GPHN: variants seen among roughly 807,000 people sequenced by gnomAD.
GPHN encodes gephyrin.
A neutral mutation model predicts 95.5 loss-of-function variants in GPHN; 17 were observed. The observed-to-expected ratio is 0.18, with a 90% CI of 0.12 to 0.27. The LOEUF (loss-of-function observed/expected upper bound fraction) is 0.27, where lower values mean the gene tolerates loss of function less well. Ranked by LOEUF, GPHN falls within the 10% of genes least tolerant of loss-of-function variation. The probability of loss-of-function intolerance (pLI) is 1.00; values close to 1 mark genes in which losing one functional copy is unlikely to be tolerated. For synonymous variants in GPHN, 320 were observed against 322.5 expected (o/e 0.99, Z 0.08); for missense variants, 660 against 978.1 (o/e 0.67, Z 4.34).
chr14:67,701,673 C>T, the GPHN span, among the ~76,000 whole-genome samples: 1 of 152,128 alleles, frequency 6.6e-6, no homozygotes, highest in Non-Finnish European at 1.5e-5. Context: ...CCGCCCACTT[C>T]AGCCTCCCAA....
the GPHN span, among the ~76,000 whole-genome samples, chr14:67,464,216 A>G: frequency 1.4e-3 from 211 of 152,272 alleles, 1 homozygote; most frequent in Non-Finnish European, 1.0e-3. Flanking sequence ...AAACAGATCC[A>G]TATTTCCAGT....
chr14:67,119,203 A>G (rs1445314531), intron 16 of GPHN, among the ~76,000 whole-genome samples: 1 of 152,182 alleles, frequency 6.6e-6, no homozygotes, highest in Non-Finnish European at 1.5e-5. Flanking sequence ...GTTAAAAACA[A>G]TTTATTTCAA....
chr14:67,578,095 G>T, the GPHN span: 90 of 1,613,088 alleles, frequency 5.6e-5, no homozygotes, highest in Non-Finnish European at 6.9e-5. This position sits in a 1 kb window ranked among gnomAD's most constrained non-coding sequence, Gnocchi z 5.0. Flanking sequence ...GGCCCAGACC[G>T]CACTGCAGGT....
chr14:67,000,100 A>G (rs1352351032), intron 9 of GPHN, among the ~76,000 whole-genome samples: 1 of 151,822 alleles, frequency 6.6e-6, no homozygotes, highest in Non-Finnish European at 1.5e-5. Flanking sequence ...ACTTCTAGCT[A>G]CCTAAAGGAA....
At chr14:67,121,899 A>G (rs1254430526) in intron 16 of GPHN, among the ~76,000 whole-genome samples, 1 of 152,188 alleles carries the variant, frequency 6.6e-6, no homozygotes, top group African/African-American at 2.4e-5. Flanking sequence ...AAATATTCCC[A>G]ATGGAAGACA....
chr14:66,870,020 C>T (rs973561990), intron 4 of GPHN, among the ~76,000 whole-genome samples: 4 of 152,108 alleles, frequency 2.6e-5, no homozygotes, highest in African/African-American at 9.7e-5. Context: ...AGATCCAGCT[C>T]CTATTGTTAT....
At chr14:67,030,553 A>C (rs1432714087) in intron 10 of GPHN, among the ~76,000 whole-genome samples, 1 of 152,178 alleles carries the variant, frequency 6.6e-6, no homozygotes, top group Admixed American at 6.5e-5. Context: ...CTTTCCCAAA[A>C]TGCTGATTTC....
At chr14:67,645,029 TAATA>T in the GPHN span, among the ~76,000 whole-genome samples, 3 of 151,762 alleles carry the variant, frequency 2.0e-5, no homozygotes, top group East Asian at 1.9e-4. Flanking sequence ...AATGCCATGC[TAATA>T]TATATAAGGT....
intron 1 of GPHN, among the ~76,000 whole-genome samples, chr14:66,646,601 G>T (rs943671626): frequency 1.3e-5 from 2 of 152,118 alleles, no homozygotes; most frequent in Non-Finnish European, 2.9e-5. Flanking sequence ...TCTTGAGGGC[G>T]TTATTCTAAA....
At chr14:66,801,580 ACT>A (rs149626370) in intron 3 of GPHN, among the ~76,000 whole-genome samples, 4 of 34,514 alleles carry the variant, frequency 1.2e-4, no homozygotes, top group Admixed American at 3.2e-4. Flanking sequence ...CCCTCTCCCC[ACT>A]CTCTCTCTCT....
chr14:66,761,498 G>A (rs941796048), intron 2 of GPHN, among the ~76,000 whole-genome samples: 15 of 152,132 alleles, frequency 9.9e-5, no homozygotes, highest in African/African-American at 3.6e-4. Context: ...TCTTAGAAGA[G>A]CATAATGACA....
chr14:66,543,545 C>T (rs1464249169), intron 1 of GPHN, among the ~76,000 whole-genome samples: 2 of 152,150 alleles, frequency 1.3e-5, no homozygotes, highest in African/African-American at 2.4e-5. Flanking sequence ...CATATATACA[C>T]CTATGTCTGT....
chr14:66,585,194 C>T (rs1487451744), intron 1 of GPHN, among the ~76,000 whole-genome samples: 1 of 152,068 alleles, frequency 6.6e-6, no homozygotes, highest in Non-Finnish European at 1.5e-5. Flanking sequence ...TTATAGTATT[C>T]TCTGATGGTA....
chr14:66,752,775 C>G (rs577805570), intron 2 of GPHN, among the ~76,000 whole-genome samples: 1 of 151,930 alleles, frequency 6.6e-6, no homozygotes, highest in South Asian at 2.1e-4. Context: ...TTGCCAGAAA[C>G]CTTCAGGTTG....
intron 21 of GPHN, among the ~76,000 whole-genome samples, chr14:67,177,740 T>G (rs548746010): frequency 4.6e-5 from 7 of 152,308 alleles, no homozygotes; most frequent in African/African-American, 1.4e-4. Context: ...TCTAAGAGCT[T>G]GCTTTATGAA....
chr14:67,717,874 G>C, the GPHN span: 1 of 152,158 alleles, frequency 6.6e-6, no homozygotes, highest in South Asian at 2.1e-4. Context: ...GACCAGCATG[G>C]GCAACACAGT....
the GPHN span, among the ~76,000 whole-genome samples, chr14:67,629,687 T>C: frequency 2.0e-5 from 3 of 152,248 alleles, no homozygotes; most frequent in Admixed American, 2.0e-4. Flanking sequence ...CCCAGATTTC[T>C]TTTTTAATAG....
intron 3 of GPHN, among the ~76,000 whole-genome samples, chr14:66,804,004 G>GT (rs148311146): frequency 0.073 from 11,054 of 151,480 alleles, 1,093 homozygotes; most frequent in East Asian, 0.42. Context: ...CTCTTTTGGG[G>GT]GTTTTTTTTG....
the GPHN span, among the ~76,000 whole-genome samples, chr14:67,341,431 C>T: frequency 4.6e-5 from 7 of 151,630 alleles, no homozygotes; most frequent in Admixed American, 1.3e-4. Flanking sequence ...GGAGCGTCTC[C>T]GCCCAGCAGC....
Sources: allele counts gnomAD v4.1 joint callset (sites outside exome capture counted in the v4.1 genomes callset), GRCh38; gene constraint gnomAD v4.1.1; non-coding constraint Gnocchi (gnomAD v3.1); transcripts MANE v1.5; gene names NCBI Gene and HGNC (gene_info 2026-07-23, HGNC 2026-07-21).